AKNA: variants seen among roughly 807,000 people sequenced by gnomAD.
AKNA encodes the protein AT-hook transcription factor, also known as microtubule organization protein AKNA.
AKNA carries 67 observed loss-of-function variants against 138.8 expected under a neutral mutation model. The ratio of observed to expected loss-of-function variants is 0.48; its 90% CI spans 0.40 to 0.59. The LOEUF is 0.59. Among genes scored for constraint, AKNA ranks in the 20% least tolerant of loss-of-function variants. The pLI, the probability that AKNA is intolerant of heterozygous loss-of-function variation, is 0.00. For synonymous variants in AKNA, 737 were observed against 754.4 expected, an observed-to-expected ratio of 0.98 and a Z score of 0.38; for missense variants, 1,813 against 1,880.4, an observed-to-expected ratio of 0.96 and a Z score of 0.66.
chr9:114,336,986 G>T lies in AKNA; in HGVS notation c.*68C>A. On this transcript the variant is annotated 3_prime_UTR_variant, in exon 22 of 22. Coordinates refer to ENST00000374088, the MANE Select transcript of AKNA (RefSeq NM_001317950.2). Reference sequence around the variant, plus strand: ...GGCCTTCTGGGCCTCAGCAGCTCCAGCCCACTCCTGGCCTGGCAGGCCACC... The same window carrying T: ...GGCCTTCTGGGCCTCAGCAGCTCCATCCCACTCCTGGCCTGGCAGGCCACC... 6.9e-7 allele frequency: 1 copy of T among 1,443,810 alleles called. No homozygotes were observed. Among genetic ancestry groups the T allele is most frequent in the Non-Finnish European group, 9.1e-7 (1 of 1,093,696 alleles). The allele number at this position is 1,443,810 out of a possible 1,614,324, so 89.4% of individuals were successfully genotyped here.
upstream of AKNA, chr9:114,398,456 A>T (rs1834607250): frequency 1.3e-5 from 2 of 152,176 alleles, no homozygotes; most frequent in Admixed American, 1.3e-4. This position sits in a 1 kb window ranked among gnomAD's most constrained non-coding sequence, Gnocchi z 4.2. Context: ...GCGGCCGCCG[A>T]GCGCGGGTGG....
rs10982191 is a variant in AKNA, at chr9:114,383,636, T to C, written c.-113-2190A>G. 1.3e-3 allele frequency among the ~76,000 whole-genome samples: 199 copies of C among 152,314 alleles called. 5 individuals carry two copies. In the East Asian group the frequency reaches 0.031, roughly 23 times the overall value. On this transcript the variant is annotated intron_variant, in intron 1 of 21. Transcript: ENST00000374088. The stretch of plus-strand genomic sequence containing the variant: ...GGGCTTTCTCCCCTGCATGCTGTGT[T>C]GAAGGCAGTATGACTCCAGGCCTCC...
intron 6 of AKNA, among the ~76,000 whole-genome samples, chr9:114,366,779 T>G (rs1423592249): frequency 6.6e-6 from 1 of 151,522 alleles, no homozygotes; most frequent in Admixed American, 6.6e-5. Flanking sequence ...AATAAAATGG[T>G]GGTGCTTCTG....
chr9:114,367,712 T>G lies in AKNA; in HGVS notation c.1574-15A>C. 3 of 1,535,886 alleles carry G rather than the reference T, an allele frequency of 2.0e-6. No individual in the cohort carries two copies. Among genetic ancestry groups the G allele is most frequent in the Non-Finnish European group, 2.6e-6 (3 of 1,136,040 alleles). On this transcript the variant is annotated splice_polypyrimidine_tract_variant and intron_variant, in intron 5 of 21. Transcript: ENST00000374088. Reference sequence around the variant, plus strand: ...TGATGGCCACCCTGGAATACACAACTGCTGAAAGCTGGGGCCAAGAACAGT... The same window carrying G: ...TGATGGCCACCCTGGAATACACAACGGCTGAAAGCTGGGGCCAAGAACAGT...
At chr9:114,349,528 G>A (rs555972114) in intron 15 of AKNA, among the ~76,000 whole-genome samples, 44 of 152,112 alleles carry the variant, frequency 2.9e-4, no homozygotes, top group Non-Finnish European at 6.0e-4. Context: ...TCTCCTGGAT[G>A]TGGCAGCCTT....
At position 114,387,880 on chromosome 9, in the gene AKNA, G is replaced by A. The variant is rs538090608; in HGVS notation, c.-134C>T. 3.3e-3 allele frequency: 1,518 copies of A among 454,792 alleles called. 5 individuals carry two copies. Among genetic ancestry groups the A allele is most frequent in the Non-Finnish European group, 5.6e-3 (1,274 of 226,064 alleles). 28.2% of individuals were successfully genotyped at this position (454,792 alleles called of 1,614,324 possible). On this transcript the variant is annotated 5_prime_UTR_variant, in exon 1 of 22. The change creates a new upstream start codon in the 5' untranslated region. Transcript: ENST00000374088. ...CTTACCTCTCTCGGGCTCCACCACC[G>A]TCCTGCCGACCCAGTTTCAGGGGAC...
intron 6 of AKNA, among the ~76,000 whole-genome samples, chr9:114,366,759 G>C (rs1445340510): frequency 6.6e-6 from 1 of 151,322 alleles, no homozygotes; most frequent in Non-Finnish European, 1.5e-5. Flanking sequence ...AGGAGGGAAG[G>C]GAAGGGAAGA....
At position 114,383,288 on chromosome 9, in the gene AKNA, T is replaced by C. The variant is rs1055282421; in HGVS notation, c.-113-1842A>G. On this transcript the variant is annotated intron_variant, in intron 1 of 21. Coordinates refer to ENST00000374088, the MANE Select transcript of AKNA (RefSeq NM_001317950.2). ...CTCAACCCTCTCCTTCTTTCCCTCTTTCCTTCTCCCTCTCATCTCCTTTTG... is the reference window on the plus strand; with the variant it reads ...CTCAACCCTCTCCTTCTTTCCCTCTCTCCTTCTCCCTCTCATCTCCTTTTG... 44 of 446,940 alleles carry C rather than the reference T, an allele frequency of 9.8e-5. No homozygotes were observed. In the East Asian group the frequency reaches 3.1e-3, roughly 31 times the overall value. 27.7% of individuals were successfully genotyped at this position (446,940 alleles called of 1,614,324 possible).
At position 114,367,627 on chromosome 9, in the gene AKNA, C is replaced by T. The variant is rs374646188; in HGVS notation, c.1644G>A (p.Pro548=). The T allele has an allele frequency of 1.6e-5, 26 of 1,605,562 alleles. No homozygotes were observed. The highest frequency in any genetic ancestry group is 2.2e-5 in the East Asian group (1 of 44,538). The change falls in exon 6 of 22, where the codon CCG becomes CCA. Residue 548 remains proline, a synonymous_variant. Transcript: ENST00000374088. ...LTSMPTLGWL[P]ENRDISEDQS... is the part of the protein sequence containing the mutation. ...GGTCCTCAGAGATGTCCCGGTTCTC[C>T]GGAAGCCACCCCAGGGTGGGCATGC...
intron 15 of AKNA, chr9:114,348,810 C>T (rs1351672834): frequency 4.4e-6 from 2 of 453,280 alleles, no homozygotes; most frequent in African/African-American, 4.0e-5. Flanking sequence ...AGCAAAGCCA[C>T]CCTCCAGGCG....
chr9:114,348,928 G>A (rs184520725), intron 15 of AKNA: 58 of 456,308 alleles, frequency 1.3e-4, no homozygotes, highest in Middle Eastern at 3.3e-4. Context: ...CCCTGGTGCC[G>A]CCTCCAGCAG....
chr9:114,373,580 T>C (rs2132026782), intron 4 of AKNA, among the ~76,000 whole-genome samples: 1 of 151,920 alleles, frequency 6.6e-6, no homozygotes, highest in Non-Finnish European at 1.5e-5. Flanking sequence ...AGGAGAGAGA[T>C]TCTCATGAAA....
rs1433703744 is a variant in AKNA, at chr9:114,343,751, T to C, written c.3714A>G (p.Thr1238=). 1.2e-6 allele frequency: 2 copies of C among 1,614,080 alleles called. No homozygotes were observed. Among genetic ancestry groups the C allele is most frequent in the Non-Finnish European group, 1.7e-6 (2 of 1,180,018 alleles). The change falls in exon 19 of 22, where the codon ACA becomes ACG. Residue 1238 remains threonine (T), a synonymous_variant. Transcript: ENST00000374088. ...TGGGCCGGCAGTGGGGACAGGAGAC[T>C]GTGCCATTGCCTTTTGGGACCGCCT... ...SPKAVPKGNG[T]VSCPHCRPIR...
chr9:114,361,173 G>A (rs943222602), intron 9 of AKNA, among the ~76,000 whole-genome samples: 2 of 152,080 alleles, frequency 1.3e-5, no homozygotes, highest in African/African-American at 4.8e-5. Flanking sequence ...ACATCATGGG[G>A]CCCCTGCCTG....
At chr9:114,367,189 G>A (rs1347107333) in intron 6 of AKNA, among the ~76,000 whole-genome samples, 1 of 152,146 alleles carries the variant, frequency 6.6e-6, no homozygotes, top group East Asian at 1.9e-4. Context: ...AACTTATCCT[G>A]AAGAGGAAAA....
At chr9:114,389,265 C>T (rs373511299), upstream of AKNA, among the ~76,000 whole-genome samples, 82 of 152,072 alleles carry the variant, frequency 5.4e-4, no homozygotes, top group Middle Eastern at 0.014. Flanking sequence ...AAAGCGGGCA[C>T]AGGAGCACAA....
intron 14 of AKNA, among the ~76,000 whole-genome samples, chr9:114,354,052 AC>A (rs1258727660): frequency 6.6e-6 from 1 of 152,248 alleles, no homozygotes; most frequent in Non-Finnish European, 1.5e-5. Flanking sequence ...ACTTACAGTA[AC>A]ATTTTTACTT....
Position 114,381,253 on chromosome 9 carries a change from G to A in AKNA, c.81C>T (p.Ala27=), listed in dbSNP as rs772505794. The A allele has an allele frequency of 1.2e-5, 19 of 1,613,686 alleles. No homozygotes were observed. The highest frequency in any genetic ancestry group is 2.2e-5 in the East Asian group (1 of 44,880). Residue 27 remains alanine (A), a synonymous_variant, in exon 2 of 22, where the codon GCC becomes GCT. Transcript: ENST00000374088. The part of the protein sequence containing the change: ...KGPQRRRWAW[A]EDKRDVDRSS... The stretch of plus-strand genomic sequence containing the variant: ...TTCTATCCACATCCCTCTTGTCCTC[G>A]GCCCAGGCCCAGCGCCGCCGCTGGG...
intron 1 of AKNA, chr9:114,383,270 C>T: frequency 2.2e-6 from 1 of 452,452 alleles, no homozygotes; most frequent in Non-Finnish European, 4.4e-6. Context: ...TCCCTCAACC[C>T]TCTCCTTCTT....
Sources: gnomAD v4.1 joint callset for allele counts (sites outside exome capture counted in the v4.1 genomes callset) on GRCh38, gnomAD v4.1.1 for gene constraint, Gnocchi (gnomAD v3.1) non-coding constraint, MANE v1.5 for transcripts, NCBI Gene and HGNC (gene_info 2026-07-23, HGNC 2026-07-21) for gene names.